The following TBC1D19 variants were observed in gnomAD, a reference collection of about 807,000 sequenced individuals.
TBC1D19 encodes the protein TBC1 domain family, member 19.
TBC1D19 carries 60 observed loss-of-function variants against 89.0 expected under a neutral mutation model. That is an observed-to-expected ratio of 0.67 (90% confidence interval 0.55 to 0.84). The LOEUF (loss-of-function observed/expected upper bound fraction) is 0.84, where lower values mean the gene tolerates loss of function less well. TBC1D19 is among the 40% of genes least tolerant of loss of function. The probability of loss-of-function intolerance (pLI) is 0.00; values close to 1 mark genes in which losing one functional copy is unlikely to be tolerated. For missense variants in TBC1D19, 500 were observed against 610.8 expected, an observed-to-expected ratio of 0.82 and a Z score of 1.91; for synonymous variants, 189 against 199.7, an observed-to-expected ratio of 0.95 and a Z score of 0.45.
intron 15 of TBC1D19, among the ~76,000 whole-genome samples, chr4:26,722,546 G>A (rs912390673): frequency 8.5e-5 from 13 of 152,082 alleles, no homozygotes; most frequent in South Asian, 2.1e-4. Flanking sequence ...ATAAAACAGC[G>A]TATTAGACCA....
chr4:26,693,301 G>A (rs140918046), intron 13 of TBC1D19, among the ~76,000 whole-genome samples: 3 of 152,090 alleles, frequency 2.0e-5, no homozygotes, highest in Non-Finnish European at 4.4e-5. Flanking sequence ...ATGAGCCCCA[G>A]CTGCTTGTAA....
intron 7 of TBC1D19, among the ~76,000 whole-genome samples, chr4:26,653,442 C>T (rs1744552071): frequency 6.6e-6 from 1 of 152,100 alleles, no homozygotes; most frequent in African/African-American, 2.4e-5. Context: ...AACGTTCTGT[C>T]TGGTTGATCT....
intron 19 of TBC1D19, among the ~76,000 whole-genome samples, chr4:26,751,325 G>A (rs1030936940): frequency 2.6e-5 from 4 of 152,092 alleles, no homozygotes; most frequent in African/African-American, 9.7e-5. Context: ...TTTCCTGCTG[G>A]AGCAGAAAAT....
chr4:26,724,409 G>T (rs961676431), intron 15 of TBC1D19, among the ~76,000 whole-genome samples: 4 of 152,128 alleles, frequency 2.6e-5, no homozygotes, highest in Non-Finnish European at 5.9e-5. Context: ...GGAAATGGGA[G>T]TCTTTCTGTC....
intron 7 of TBC1D19, among the ~76,000 whole-genome samples, chr4:26,640,994 A>G (rs1743469024): frequency 6.6e-6 from 1 of 152,236 alleles, no homozygotes; most frequent in African/African-American, 2.4e-5. Context: ...AAAAGGCAGC[A>G]GACAACTTCT....
At chr4:26,804,762 A>C in the TBC1D19 span, among the ~76,000 whole-genome samples, 1 of 152,208 alleles carries the variant, frequency 6.6e-6, no homozygotes, top group Non-Finnish European at 1.5e-5. Context: ...GTGTGCGATA[A>C]ATGGAGCTCT....
chr4:26,827,252 A>T, the TBC1D19 span, among the ~76,000 whole-genome samples: 1 of 152,236 alleles, frequency 6.6e-6, no homozygotes, highest in Non-Finnish European at 1.5e-5. Context: ...CCAACTTTAA[A>T]GGTATTACTG....
At chr4:26,615,468 T>G (rs1741626833) in intron 3 of TBC1D19, among the ~76,000 whole-genome samples, 1 of 151,758 alleles carries the variant, frequency 6.6e-6, no homozygotes, top group Admixed American at 6.6e-5. Flanking sequence ...TTTTTTTTTT[T>G]CCTTTACTGC....
chr4:26,706,277 A>G (rs558273829), intron 13 of TBC1D19, among the ~76,000 whole-genome samples: 2 of 152,226 alleles, frequency 1.3e-5, no homozygotes, highest in South Asian at 4.1e-4. Flanking sequence ...GTTTCTAGAA[A>G]TTTGTTCATT....
intron 14 of TBC1D19, among the ~76,000 whole-genome samples, chr4:26,719,325 G>A (rs1046067459): frequency 7.9e-5 from 12 of 151,422 alleles, no homozygotes; most frequent in South Asian, 2.1e-4. Flanking sequence ...TCTTCATTTC[G>A]TCTCTGTCAC....
chr4:26,799,469 TG>T, the TBC1D19 span, among the ~76,000 whole-genome samples: 1 of 152,190 alleles, frequency 6.6e-6, no homozygotes, highest in African/African-American at 2.4e-5. Context: ...AACTTTTGTT[TG>T]GAAAAGATAC....
chr4:26,803,459 A>C, the TBC1D19 span, among the ~76,000 whole-genome samples: 1 of 152,212 alleles, frequency 6.6e-6, no homozygotes, highest in African/African-American at 2.4e-5. Context: ...ATCAGCGTAA[A>C]ATCGATGAGC....
At chr4:26,722,401 G>A (rs1717034977) in intron 15 of TBC1D19, among the ~76,000 whole-genome samples, 1 of 152,056 alleles carries the variant, frequency 6.6e-6, no homozygotes, top group South Asian at 2.1e-4. Flanking sequence ...TAACACACAT[G>A]TCTAACAAAT....
chr4:26,744,664 T>C (rs1718547892), intron 18 of TBC1D19, among the ~76,000 whole-genome samples: 1 of 152,140 alleles, frequency 6.6e-6, no homozygotes, highest in Admixed American at 6.5e-5. Flanking sequence ...GTTGTTTAAT[T>C]TCTAAATATT....
chr4:26,697,219 C>T (rs1445643440), intron 13 of TBC1D19, among the ~76,000 whole-genome samples: 1 of 152,172 alleles, frequency 6.6e-6, no homozygotes, highest in Non-Finnish European at 1.5e-5. Context: ...TCAGAGAATA[C>T]TATAAACACC....
chr4:26,820,530 CT>C, the TBC1D19 span, among the ~76,000 whole-genome samples: 1 of 152,184 alleles, frequency 6.6e-6, no homozygotes, highest in Non-Finnish European at 1.5e-5. Context: ...GAGTTTCCTT[CT>C]TTTTAAAGGC....
intron 15 of TBC1D19, among the ~76,000 whole-genome samples, chr4:26,729,836 T>C (rs1717542732): frequency 6.6e-6 from 1 of 152,206 alleles, no homozygotes. Flanking sequence ...ACAGGGACAA[T>C]GTCATATTTA....
the TBC1D19 span, among the ~76,000 whole-genome samples, chr4:26,817,827 G>C: frequency 1.3e-5 from 2 of 151,742 alleles, no homozygotes; most frequent in Non-Finnish European, 2.9e-5. Flanking sequence ...AATTAGCCGG[G>C]CGTGGTGGTG....
chr4:26,719,788 A>G (rs1167156000), intron 14 of TBC1D19, among the ~76,000 whole-genome samples: 2 of 152,118 alleles, frequency 1.3e-5, no homozygotes, highest in Non-Finnish European at 2.9e-5. Flanking sequence ...TTTATGCATA[A>G]TAAATAGATA....
Sources: gnomAD v4.1 joint callset for allele counts (sites outside exome capture counted in the v4.1 genomes callset) on GRCh38, gnomAD v4.1.1 for gene constraint, MANE v1.5 for transcripts, NCBI Gene and HGNC (gene_info 2026-07-23, HGNC 2026-07-21) for gene names.